Variants in NEMP2 observed in about 807,000 individuals in gnomAD.
NEMP2 encodes UPF0571 transmembrane protein.
A neutral mutation model predicts 54.2 loss-of-function variants in NEMP2; 53 were observed. That is an observed-to-expected ratio of 0.98 (90% CI 0.78 to 1.23). The LOEUF (loss-of-function observed/expected upper bound fraction) is 1.23, where lower values mean the gene tolerates loss of function less well. Ranked by LOEUF, NEMP2 falls within the 50% of genes most tolerant of loss-of-function variation. The pLI, the probability that NEMP2 is intolerant of heterozygous loss-of-function variation, is 0.00. For synonymous variants in NEMP2, 197 were observed against 190.3 expected, an observed-to-expected ratio of 1.04 and a Z score of -0.29; for missense variants, 455 against 511.3, an observed-to-expected ratio of 0.89 and a Z score of 1.06.
In NEMP2 at chr2:190,527,479, C is replaced by A. The variant is rs935353796; in HGVS notation, c.98-2101G>T. On this transcript the variant is annotated intron_variant, in intron 1 of 8. Transcript: ENST00000409150. This position sits in a 1 kb window ranked among gnomAD's most constrained non-coding sequence, Gnocchi z 4.0. ...GCAGCAAAATTACACAAGGACCCAA[C>A]GTATTCAACTGTGACAGTCAAATCA... 1.3e-5 allele frequency among the ~76,000 whole-genome samples: 2 copies of A among 152,174 alleles called. No homozygotes were observed. Among genetic ancestry groups the A allele is most frequent in the African/African-American group, 4.8e-5 (2 of 41,432 alleles).
chr2:190,486,853 C>A, the NEMP2 span, among the ~76,000 whole-genome samples: 1 of 152,140 alleles, frequency 6.6e-6, no homozygotes, highest in Non-Finnish European at 1.5e-5. Context: ...CCTGTTGTGA[C>A]AATATCTGGT....
downstream of NEMP2, chr2:190,499,689 T>G (rs1311908276): frequency 7.9e-6 from 7 of 885,820 alleles, no homozygotes; most frequent in East Asian, 3.4e-4. This position sits in a 1 kb window ranked among gnomAD's most constrained non-coding sequence, Gnocchi z 6.0. Flanking sequence ...CCCAGCGACT[T>G]GCCACATGGC....
At chr2:190,624,648 A>C in the NEMP2 span, 2 of 152,256 alleles carry the variant, frequency 1.3e-5, no homozygotes, top group Non-Finnish European at 2.9e-5. Flanking sequence ...CAATGCTTTC[A>C]TTTACAGCAA....
the NEMP2 span, among the ~76,000 whole-genome samples, chr2:190,587,130 T>G: frequency 6.6e-5 from 10 of 152,190 alleles, no homozygotes; most frequent in Non-Finnish European, 5.9e-5. The surrounding 1 kb of genome is among the most constrained non-coding windows in gnomAD (Gnocchi z 5.4). Context: ...TCGAGACACT[T>G]TTCTGTGGAT....
the NEMP2 span, among the ~76,000 whole-genome samples, chr2:190,631,964 G>A: frequency 6.6e-6 from 1 of 152,202 alleles, no homozygotes; most frequent in Non-Finnish European, 1.5e-5. Flanking sequence ...GCTGAGGTGG[G>A]AGAATCACCT....
At chr2:190,612,104 G>C in the NEMP2 span, among the ~76,000 whole-genome samples, 1 of 150,474 alleles carries the variant, frequency 6.6e-6, no homozygotes, top group Non-Finnish European at 1.5e-5. Context: ...ACACAGACAA[G>C]CTATGACATG....
At chr2:190,421,856 T>C in the NEMP2 span, among the ~76,000 whole-genome samples, 2 of 152,222 alleles carry the variant, frequency 1.3e-5, no homozygotes, top group African/African-American at 4.8e-5. Flanking sequence ...AAAATTCTTG[T>C]ATCTGTATTT....
chr2:190,575,563 G>T, the NEMP2 span, among the ~76,000 whole-genome samples: 1 of 152,136 alleles, frequency 6.6e-6, no homozygotes, highest in African/African-American at 2.4e-5. Flanking sequence ...AATTAAATTT[G>T]CTCTCACATA....
chr2:190,602,275 TAACGTTACAGTCATGACTCCAAATTCTG>T, the NEMP2 span, among the ~76,000 whole-genome samples: 1 of 152,164 alleles, frequency 6.6e-6, no homozygotes, highest in Non-Finnish European at 1.5e-5. Context: ...AGGTAAGAGT[TAACGTTACAGTCATGACTCCAAATTCTG>T]CAGGGCATCA....
chr2:190,423,095 T>G, the NEMP2 span, among the ~76,000 whole-genome samples: 1 of 152,246 alleles, frequency 6.6e-6, no homozygotes, highest in African/African-American at 2.4e-5. This position sits in a 1 kb window ranked among gnomAD's most constrained non-coding sequence, Gnocchi z 4.3. Context: ...TGGATTCACA[T>G]GTAGTTGTTA....
chr2:190,525,412 T>G lies in NEMP2; in HGVS notation c.98-34A>C, dbSNP rs938132189. The G allele has an allele frequency of 8.0e-7, 1 of 1,247,052 alleles. No individual in the cohort carries two copies. Among genetic ancestry groups the G allele is most frequent in the Non-Finnish European group, 1.1e-6 (1 of 885,628 alleles). The allele number at this position is 1,247,052 out of a possible 1,614,324, so 77.2% of individuals were successfully genotyped here. ...TGGAAAAGGGAATGCATTTTCTAAC[T>G]GTTTAATTGCCCAGAATCTTTTTTA... On this transcript the variant is annotated intron_variant, in intron 1 of 8. Transcript: ENST00000409150. The surrounding 1 kb of genome is among the most constrained non-coding windows in gnomAD (Gnocchi z 5.0).
chr2:190,648,608 C>A, the NEMP2 span: 1 of 150,290 alleles, frequency 6.7e-6, no homozygotes. Context: ...GGGAACCTCA[C>A]ACATAATTTT....
chr2:190,628,412 G>A, the NEMP2 span: 1 of 152,176 alleles, frequency 6.6e-6, no homozygotes, highest in African/African-American at 2.4e-5. This position sits in a 1 kb window ranked among gnomAD's most constrained non-coding sequence, Gnocchi z 4.1. Context: ...AGACTTCTGA[G>A]GAGGTAGAAC....
At chr2:190,491,270 G>A in the NEMP2 span, among the ~76,000 whole-genome samples, 1 of 152,186 alleles carries the variant, frequency 6.6e-6, no homozygotes, top group Non-Finnish European at 1.5e-5. The surrounding 1 kb of genome is among the most constrained non-coding windows in gnomAD (Gnocchi z 4.2). Flanking sequence ...TAGGAGGCAG[G>A]ATTAGGTTGC....
chr2:190,456,386 CT>C, the NEMP2 span, among the ~76,000 whole-genome samples: 3 of 152,210 alleles, frequency 2.0e-5, no homozygotes, highest in Non-Finnish European at 4.4e-5. This position sits in a 1 kb window ranked among gnomAD's most constrained non-coding sequence, Gnocchi z 5.4. Context: ...GGAGATGACC[CT>C]AAAGCCAGTG....
rs999491231 is a variant in NEMP2, at chr2:190,533,813, G to C, written c.97+746C>G. ...AACAGAAATGTGAAGCTCATGGTAA[G>C]TTAGCGGCAGGTCTGGAGTTGGAAC... On this transcript the variant is annotated intron_variant, in intron 1 of 8. Transcript: ENST00000409150. The surrounding 1 kb of genome is among the most constrained non-coding windows in gnomAD (Gnocchi z 4.3). Among the ~76,000 whole-genome samples the C allele has an allele frequency of 6.6e-6, 1 of 152,014 alleles. No homozygotes were observed. The highest frequency in any genetic ancestry group is 2.4e-5 in the African/African-American group (1 of 41,420).
chr2:190,532,189 T>G (rs1453239089), intron 1 of NEMP2, among the ~76,000 whole-genome samples: 11 of 152,214 alleles, frequency 7.2e-5, no homozygotes. Flanking sequence ...TACTATTTGT[T>G]TTTTGTAAAT....
the NEMP2 span, among the ~76,000 whole-genome samples, chr2:190,458,027 C>T: frequency 6.6e-6 from 1 of 152,214 alleles, no homozygotes; most frequent in Non-Finnish European, 1.5e-5. The surrounding 1 kb of genome is among the most constrained non-coding windows in gnomAD (Gnocchi z 5.3). Flanking sequence ...TACAGCCTCA[C>T]TCTGACTGTT....
At chr2:190,597,231 C>T in the NEMP2 span, among the ~76,000 whole-genome samples, 27 of 149,226 alleles carry the variant, frequency 1.8e-4, no homozygotes, top group South Asian at 1.1e-3. This position sits in a 1 kb window ranked among gnomAD's most constrained non-coding sequence, Gnocchi z 4.7. Flanking sequence ...TGTCACTGCA[C>T]GCCAGCCTGG....
Sources: allele counts gnomAD v4.1 joint callset (sites outside exome capture counted in the v4.1 genomes callset), GRCh38; gene constraint gnomAD v4.1.1; non-coding constraint Gnocchi (gnomAD v3.1); transcripts MANE v1.5; gene names NCBI Gene and HGNC (gene_info 2026-07-23, HGNC 2026-07-21).